Variants in GNG2 observed in about 807,000 individuals in gnomAD.
GNG2 encodes G protein subunit gamma 2.
Under a neutral mutation model 5.5 loss-of-function variants are expected in GNG2, and 5 were observed. The ratio of observed to expected loss-of-function variants is 0.91; its 90% CI spans 0.48 to 1.92. The LOEUF (loss-of-function observed/expected upper bound fraction) is 1.92, where lower values mean the gene tolerates loss of function less well. GNG2 is among the 30% of genes most tolerant of loss of function. GNG2 has a pLI of 0.01. For synonymous variants in GNG2, 28 were observed against 32.0 expected, an observed-to-expected ratio of 0.88 and a Z score of 0.42; for missense variants, 55 against 88.4, an observed-to-expected ratio of 0.62 and a Z score of 1.52.
At chr14:51,844,913 G>A (rs1188328124) in intron 2 of GNG2, among the ~76,000 whole-genome samples, 1 of 152,080 alleles carries the variant, frequency 6.6e-6, no homozygotes, top group Non-Finnish European at 1.5e-5. Context: ...TTTTAGTAGG[G>A]ATGGGGTTTC....
At chr14:51,906,671 T>G (rs1885938734) in intron 2 of GNG2, among the ~76,000 whole-genome samples, 1 of 152,006 alleles carries the variant, frequency 6.6e-6, no homozygotes, top group Non-Finnish European at 1.5e-5. Flanking sequence ...TTGCAATTGA[T>G]CTGTCACACT....
intron 2 of GNG2, among the ~76,000 whole-genome samples, chr14:51,846,350 A>G (rs1881627609): frequency 6.6e-6 from 1 of 152,190 alleles, no homozygotes; most frequent in African/African-American, 2.4e-5. Flanking sequence ...TATGAAAACC[A>G]TATAAACCTG....
At chr14:51,912,375 C>T (rs1051056234) in intron 2 of GNG2, among the ~76,000 whole-genome samples, 2 of 152,104 alleles carry the variant, frequency 1.3e-5, no homozygotes, top group African/African-American at 4.8e-5. Flanking sequence ...TCCCTTAATT[C>T]CAGTGGCTCA....
At chr14:51,915,723 A>AG (rs1566684146) in intron 2 of GNG2, among the ~76,000 whole-genome samples, 1 of 152,212 alleles carries the variant, frequency 6.6e-6, no homozygotes, top group African/African-American at 2.4e-5. Context: ...TGGAAAAAAA[A>AG]GTGGTATTTC....
At chr14:51,853,344 G>C in intron 2 of GNG2, among the ~76,000 whole-genome samples, 1 of 152,114 alleles carries the variant, frequency 6.6e-6, no homozygotes, top group Non-Finnish European at 1.5e-5. Context: ...TCTGATGAAA[G>C]GGACACATTC....
intron 2 of GNG2, among the ~76,000 whole-genome samples, chr14:51,949,786 G>A (rs912411957): frequency 2.6e-5 from 4 of 152,170 alleles, no homozygotes; most frequent in Non-Finnish European, 5.9e-5. Flanking sequence ...ATAAAATAAG[G>A]TATTTTCCAA....
intron 3 of GNG2, among the ~76,000 whole-genome samples, chr14:51,958,412 C>A (rs957099999): frequency 6.3e-5 from 9 of 143,616 alleles, no homozygotes; most frequent in African/African-American, 1.8e-4. Context: ...TACAGTCATA[C>A]AATCAGTCTG....
chr14:51,838,453 AG>A (rs983582347), intron 2 of GNG2, among the ~76,000 whole-genome samples: 2 of 151,150 alleles, frequency 1.3e-5, no homozygotes, highest in East Asian at 1.9e-4. Flanking sequence ...CAAAAAAAAA[AG>A]GGGGGGTTAT....
At chr14:51,832,125 C>G (rs969866251) in intron 2 of GNG2, among the ~76,000 whole-genome samples, 20 of 141,966 alleles carry the variant, frequency 1.4e-4, no homozygotes, top group African/African-American at 5.6e-4. Context: ...ACAAAAAATA[C>G]AAAAATTAGT....
chr14:51,830,482 C>T (rs1881150906), intron 2 of GNG2, among the ~76,000 whole-genome samples: 2 of 152,208 alleles, frequency 1.3e-5, no homozygotes, highest in Admixed American at 1.3e-4. Flanking sequence ...TTATCACGTC[C>T]AGAGTGGAGC....
At chr14:51,849,235 C>G (rs1881796017) in intron 2 of GNG2, among the ~76,000 whole-genome samples, 1 of 152,106 alleles carries the variant, frequency 6.6e-6, no homozygotes, top group Non-Finnish European at 1.5e-5. Flanking sequence ...ATCGACCTCT[C>G]CACAGGGCAA....
chr14:51,860,191 G>T (rs1882366824), upstream of GNG2, among the ~76,000 whole-genome samples: 1 of 150,178 alleles, frequency 6.7e-6, no homozygotes, highest in African/African-American at 2.5e-5. Flanking sequence ...GGATCTCGGG[G>T]GCCAGAACCT....
intron 2 of GNG2, among the ~76,000 whole-genome samples, chr14:51,925,974 A>G (rs1249986539): frequency 6.6e-6 from 1 of 152,026 alleles, no homozygotes; most frequent in African/African-American, 2.4e-5. Context: ...CCAAAGAGAA[A>G]AAGGCTCCAA....
chr14:51,867,537 C>A (rs771102115), intron 1 of GNG2, among the ~76,000 whole-genome samples: 2 of 152,184 alleles, frequency 1.3e-5, no homozygotes, highest in Non-Finnish European at 2.9e-5. Flanking sequence ...TTGCATGGCT[C>A]CTTGCAATTG....
At chr14:51,943,410 T>A (rs1272530375) in intron 2 of GNG2, among the ~76,000 whole-genome samples, 1 of 152,212 alleles carries the variant, frequency 6.6e-6, no homozygotes, top group Non-Finnish European at 1.5e-5. Flanking sequence ...GGGTTACATG[T>A]AAAATGAAAA....
intron 2 of GNG2, among the ~76,000 whole-genome samples, chr14:51,944,714 G>A (rs1888541458): frequency 6.6e-6 from 1 of 152,058 alleles, no homozygotes; most frequent in Admixed American, 6.5e-5. Flanking sequence ...GAAAACATAG[G>A]GCAAAAGCTT....
In GNG2 at chr14:51,933,761, TA is replaced by T. The variant is rs1887802066; in HGVS notation, c.-29-16887del. On this transcript the variant is annotated intron_variant, in intron 2 of 3. Transcript: ENST00000556766. ...ATGCAGACAGAAATGCAGATGCAGGTAAGTTGGTCATGGGAGAATATGGGCG... is the reference window on the plus strand; with the variant it reads ...ATGCAGACAGAAATGCAGATGCAGGTAGTTGGTCATGGGAGAATATGGGCG... Among the ~76,000 whole-genome samples, 3 of 152,098 alleles carry T rather than the reference TA, an allele frequency of 2.0e-5. No homozygotes were observed. In the South Asian group the frequency reaches 6.2e-4, roughly 32 times the overall value.
In GNG2 at chr14:51,968,683, A is replaced by G. The variant is rs1053576034; in HGVS notation, c.*1996A>G. On this transcript the variant is annotated 3_prime_UTR_variant, in exon 4 of 4. Transcript: ENST00000556766. ...ATTTATTAAACTACAGCATTGTACAATTAGCTTAGTAACACTATGGAATAA... is the reference window on the plus strand; with the variant it reads ...ATTTATTAAACTACAGCATTGTACAGTTAGCTTAGTAACACTATGGAATAA... The G allele has an allele frequency of 6.6e-6, 1 of 152,230 alleles. No homozygotes were observed. The highest frequency in any genetic ancestry group is 1.5e-5 in the Non-Finnish European group (1 of 68,044). The allele number at this position is 152,230 out of a possible 1,614,324, so 9.4% of individuals were successfully genotyped here. A position where few individuals can be genotyped will look rare whatever the true frequency, so the allele number is the denominator to read the frequency against.
In GNG2 at chr14:51,967,776, CCT is replaced by C. The variant is rs995756144; in HGVS notation, c.*1092_*1093del. 4 of 151,872 alleles carry C rather than the reference CCT, an allele frequency of 2.6e-5. No homozygotes were observed. The highest frequency in any genetic ancestry group is 5.9e-5 in the Non-Finnish European group (4 of 68,000). The allele number at this position is 151,872 out of a possible 1,614,324, so 9.4% of individuals were successfully genotyped here. ...TTTTGCCATGAGTATGAGCAAATTC[CCT>C]CTTTCCCTGAATCATGGACATTCTA... On this transcript the variant is annotated 3_prime_UTR_variant, in exon 4 of 4. Transcript: ENST00000556766.
Sources: gnomAD v4.1 joint callset for allele counts (sites outside exome capture counted in the v4.1 genomes callset) on GRCh38, gnomAD v4.1.1 for gene constraint, MANE v1.5 for transcripts, NCBI Gene and HGNC (gene_info 2026-07-23, HGNC 2026-07-21) for gene names.